The following KANK1 variants were observed in gnomAD, a reference collection of about 807,000 sequenced individuals.
The protein encoded by KANK1 is KN motif and ankyrin repeat domains 1, also known as KN motif and ankyrin repeat domain-containing protein 1.
Under a neutral mutation model 106.2 loss-of-function variants are expected in KANK1, and 109 were observed. That is an observed-to-expected ratio of 1.03 (90% CI 0.88 to 1.20). KANK1 has a LOEUF of 1.20. Among genes scored for constraint, KANK1 ranks in the 50% most tolerant of loss-of-function variants. The probability of loss-of-function intolerance (pLI) is 0.00; values close to 1 mark genes in which losing one functional copy is unlikely to be tolerated. For missense variants in KANK1, 2,399 were observed against 1,710.7 expected (o/e 1.40, Z -7.10); for synonymous variants, 873 against 652.2 (o/e 1.34, Z -5.16).
chr9:572,753 A>AT (rs950395307), intron 1 of KANK1, among the ~76,000 whole-genome samples: 2 of 152,012 alleles, frequency 1.3e-5, no homozygotes, highest in Non-Finnish European at 2.9e-5. Flanking sequence ...AAGTCAGTGC[A>AT]TTTTTTGCAT....
At chr9:534,623 T>C (rs544654715) in intron 1 of KANK1, among the ~76,000 whole-genome samples, 1 of 152,366 alleles carries the variant, frequency 6.6e-6, no homozygotes, top group South Asian at 2.1e-4. Context: ...TGCAGCAGCC[T>C]ACTGGCTGAC....
Position 738,458 on chromosome 9 carries a change from C to T in KANK1, c.3507C>T (p.Ser1169=), listed in dbSNP as rs1261505374. The T allele has an allele frequency of 1.9e-6, 3 of 1,614,132 alleles. No homozygotes were observed. Among genetic ancestry groups the T allele is most frequent in the East Asian group, 2.2e-5 (1 of 44,880 alleles). The change falls in exon 8 of 12, where the codon AGC becomes AGT. Residue 1169 remains serine, a synonymous_variant. Transcript: ENST00000382297. ...ACGGCAACACAGCCCTCCATTACAG[C>T]GTGTCCCACTCCAACTTCGAGATTG... ...DGNGNTALHY[S]VSHSNFEIVK...
intron 1 of KANK1, among the ~76,000 whole-genome samples, chr9:636,806 G>T (rs762510576): frequency 1.3e-5 from 2 of 152,228 alleles, no homozygotes; most frequent in Non-Finnish European, 2.9e-5. Context: ...GGTGGAGGTT[G>T]CAGTGAGCCG....
At chr9:480,043 A>T (rs569266055) in intron 3 of KANK1, among the ~76,000 whole-genome samples, 1 of 152,368 alleles carries the variant, frequency 6.6e-6, no homozygotes, top group South Asian at 2.1e-4. Flanking sequence ...ACTAGAATCA[A>T]AAACTTTAAC....
chr9:645,145 A>AAAT (rs1839378563), intron 1 of KANK1, among the ~76,000 whole-genome samples: 1 of 147,412 alleles, frequency 6.8e-6, no homozygotes, highest in African/African-American at 2.6e-5. Flanking sequence ...AAAAAAAAAA[A>AAAT]AGAATTAGGC....
chr9:525,113 G>C (rs1335093243), intron 1 of KANK1, among the ~76,000 whole-genome samples: 2 of 148,820 alleles, frequency 1.3e-5, no homozygotes, highest in Non-Finnish European at 3.0e-5. Context: ...TCCTGCCTCA[G>C]CCTCCCAAGT....
intron 3 of KANK1, chr9:478,172 A>G (rs949336381): frequency 1.7e-5 from 3 of 179,252 alleles, no homozygotes; most frequent in Non-Finnish European, 3.6e-5. Flanking sequence ...ATTTTTCATG[A>G]CACTGTCAAG....
intron 3 of KANK1, among the ~76,000 whole-genome samples, chr9:726,191 G>A (rs1281661293): frequency 1.3e-5 from 2 of 149,216 alleles, no homozygotes; most frequent in South Asian, 4.2e-4. Flanking sequence ...CAATTCTGGT[G>A]TGCTAGGGCA....
At chr9:564,996 C>G (rs939838021) in intron 1 of KANK1, among the ~76,000 whole-genome samples, 1 of 152,110 alleles carries the variant, frequency 6.6e-6, no homozygotes, top group African/African-American at 2.4e-5. Flanking sequence ...TGAGAAGGAG[C>G]CTGGTGAGGC....
At chr9:734,491 C>T (rs770590206) in intron 6 of KANK1, 216 of 334,192 alleles carry the variant, frequency 6.5e-4, no homozygotes, top group Non-Finnish European at 4.3e-4. Context: ...CATAGTGAAA[C>T]CCCGTCTCCA....
intron 7 of KANK1, chr9:735,781 G>C (rs1165478752): frequency 2.4e-6 from 1 of 417,586 alleles, no homozygotes; most frequent in African/African-American, 2.0e-5. Context: ...ATCACATGAG[G>C]TCTGGAGTTC....
chr9:509,423 C>T (rs1368758650), intron 1 of KANK1, among the ~76,000 whole-genome samples: 1 of 152,204 alleles, frequency 6.6e-6, no homozygotes, highest in Non-Finnish European at 1.5e-5. Context: ...TCCTAGCAGA[C>T]TAATTATTTG....
chr9:612,815 C>G (rs1412745246), intron 1 of KANK1, among the ~76,000 whole-genome samples: 1 of 152,102 alleles, frequency 6.6e-6, no homozygotes, highest in African/African-American at 2.4e-5. Flanking sequence ...CCAGTTTAGA[C>G]CAGCAGCAGC....
At chr9:571,840 A>G (rs1242791143) in intron 1 of KANK1, among the ~76,000 whole-genome samples, 2 of 152,192 alleles carry the variant, frequency 1.3e-5, no homozygotes, top group Non-Finnish European at 2.9e-5. Context: ...AGAGAAAAAT[A>G]TGGGTTTATA....
At chr9:676,644 C>G (rs1228623106) in intron 1 of KANK1, among the ~76,000 whole-genome samples, 1 of 152,108 alleles carries the variant, frequency 6.6e-6, no homozygotes, top group African/African-American at 2.4e-5. Context: ...TCTAGAGAAC[C>G]AATTTTGTTT....
intron 1 of KANK1, among the ~76,000 whole-genome samples, chr9:524,350 T>C (rs1191264628): frequency 7.6e-6 from 1 of 132,100 alleles, no homozygotes; most frequent in Non-Finnish European, 1.5e-5. Flanking sequence ...GTTTGACTTT[T>C]CAAGTAACTT....
chr9:711,909 C>G lies in KANK1; in HGVS notation c.1143C>G (p.Ile381Met), dbSNP rs1350268742. ...TADMQALEQK[I>M]QDSSCEASSE... ...ACATGCAAGCCCTGGAGCAGAAGATCCAGGACAGCAGCTGTGAGGCCTCCT... is the reference window on the plus strand; with the variant it reads ...ACATGCAAGCCCTGGAGCAGAAGATGCAGGACAGCAGCTGTGAGGCCTCCT... Residue 381 changes from isoleucine (I) to methionine (M), a missense_variant, in exon 3 of 12, where the codon ATC (isoleucine) becomes ATG (methionine). Physicochemically the swap from Ile to Met is conservative, Grantham distance 10. Coordinates refer to ENST00000382297, the MANE Select transcript of KANK1 (RefSeq NM_015158.5). 2 of 1,614,150 alleles carry G rather than the reference C, an allele frequency of 1.2e-6. No individual in the cohort carries two copies. Among genetic ancestry groups the G allele is most frequent in the South Asian group, 1.1e-5 (1 of 91,070 alleles).
intron 1 of KANK1, among the ~76,000 whole-genome samples, chr9:609,996 ATTT>A (rs1312133706): frequency 6.6e-6 from 1 of 152,132 alleles, no homozygotes; most frequent in Admixed American, 6.5e-5. Context: ...CTTTCCACTC[ATTT>A]ATGAAGCCTT....
At chr9:555,795 C>G (rs888431759) in intron 1 of KANK1, among the ~76,000 whole-genome samples, 5 of 152,106 alleles carry the variant, frequency 3.3e-5, no homozygotes, top group African/African-American at 9.7e-5. Flanking sequence ...ATGTGTTTCT[C>G]AAAATACAAT....
Sources: gnomAD v4.1 joint callset for allele counts (sites outside exome capture counted in the v4.1 genomes callset) on GRCh38, gnomAD v4.1.1 for gene constraint, MANE v1.5 for transcripts, NCBI Gene and HGNC (gene_info 2026-07-23, HGNC 2026-07-21) for gene names.